DMD: variants seen among roughly 807,000 people sequenced by gnomAD.
The protein encoded by DMD is mutant dystrophin.
In DMD, 63 loss-of-function variants were observed where a neutral mutation model predicts 330.1. The ratio of observed to expected loss-of-function variants is 0.19; its 90% confidence interval spans 0.16 to 0.24. The LOEUF is 0.24. Ranked by LOEUF, DMD falls within the 10% of genes least tolerant of loss-of-function variation. DMD has a pLI of 1.00. For synonymous variants in DMD, 1,223 were observed against 959.8 expected (o/e 1.27, Z -5.07); for missense variants, 3,344 against 2,684.1 (o/e 1.25, Z -5.43).
Position 32,879,581 on chromosome X carries a change from T to C in DMD, c.94-29761A>G, listed in dbSNP as rs150591840. 4.6e-3 allele frequency among the ~76,000 whole-genome samples: 513 copies of C among 112,491 alleles called. 8 individuals are homozygous for C. The East Asian group carries it at 0.066, about 14-fold the overall frequency. On this transcript the variant is annotated intron_variant, in intron 2 of 78. Coordinates refer to ENST00000357033, the MANE Select transcript of DMD (RefSeq NM_004006.3). ...TTATTGAATGACAGTTAAAGAGCCTTTACTGTATTTTAATTTCCAATAAAC... is the reference window on the plus strand; with the variant it reads ...TTATTGAATGACAGTTAAAGAGCCTCTACTGTATTTTAATTTCCAATAAAC...
chrX:32,310,730 A>C (rs1374015003), intron 41 of DMD, among the ~76,000 whole-genome samples: 2 of 110,358 alleles, frequency 1.8e-5, no homozygotes, highest in African/African-American at 6.6e-5. Flanking sequence ...TCTATAGGAA[A>C]GTTCACTGAG....
chrX:32,922,037 C>T (rs745779139), intron 2 of DMD, among the ~76,000 whole-genome samples: 46 of 111,024 alleles, frequency 4.1e-4, no homozygotes, highest in Non-Finnish European at 8.1e-4. Flanking sequence ...CTCATGATTA[C>T]AGATATGAAG....
intron 55 of DMD, among the ~76,000 whole-genome samples, chrX:31,578,644 A>T (rs2076211620): frequency 8.9e-6 from 1 of 111,911 alleles, no homozygotes; most frequent in Non-Finnish European, 1.9e-5. Flanking sequence ...ATCAGAAAGC[A>T]AGATTTTTGA....
chrX:33,314,167 CATA>C (rs1342177104), intron 1 of DMD, among the ~76,000 whole-genome samples: 1 of 110,963 alleles, frequency 9.0e-6, no homozygotes, highest in East Asian at 2.8e-4. Context: ...CAAACATAGA[CATA>C]ATAATTATAT....
intron 48 of DMD, among the ~76,000 whole-genome samples, chrX:31,854,165 C>T (rs1372356485): frequency 8.9e-6 from 1 of 112,305 alleles, no homozygotes; most frequent in Non-Finnish European, 1.9e-5. Context: ...TCAAAGAAGA[C>T]TTACTGTTGT....
rs770658731 is a variant in DMD at position 32,521,719 on chromosome X, C to A, written c.2169-3588G>T. ...TGATCTTCTCCCTCAAACTAGTACT[C>A]TATCAGTATTCCCCAGATCAGTAAT... On this transcript the variant is annotated intron_variant, in intron 17 of 78. Coordinates refer to ENST00000357033, the MANE Select transcript of DMD (RefSeq NM_004006.3). Among the ~76,000 whole-genome samples, 3 of 112,434 alleles carry A rather than the reference C, an allele frequency of 2.7e-5. No homozygotes were observed. In the South Asian group the frequency reaches 1.1e-3, roughly 42 times the overall value.
intron 2 of DMD, among the ~76,000 whole-genome samples, chrX:32,891,848 T>G (rs2085233248): frequency 1.8e-5 from 2 of 111,695 alleles, no homozygotes; most frequent in African/African-American, 6.5e-5. Flanking sequence ...ATAGTCTGAT[T>G]TGAGGTTCCT....
intron 7 of DMD, among the ~76,000 whole-genome samples, chrX:32,719,304 G>C (rs981763600): frequency 1.8e-5 from 2 of 112,061 alleles, no homozygotes; most frequent in Non-Finnish European, 3.8e-5. Context: ...TCTTAATAGA[G>C]CTAAGCTTCT....
chrX:32,713,135 C>T (rs1321394823), intron 7 of DMD, among the ~76,000 whole-genome samples: 2 of 111,905 alleles, frequency 1.8e-5, no homozygotes, highest in African/African-American at 3.2e-5. Context: ...TCTACTAAAG[C>T]AAATCACCTG....
chrX:32,671,298 T>C (rs1374487765), intron 9 of DMD, among the ~76,000 whole-genome samples: 3 of 111,161 alleles, frequency 2.7e-5, no homozygotes, highest in Non-Finnish European at 5.7e-5. Flanking sequence ...GACATCAAAC[T>C]GTTTTCAACA....
rs747282441 is a variant in DMD, at chrX:32,308,642, T to C, written c.6117+1440A>G. 1.6e-3 allele frequency among the ~76,000 whole-genome samples: 179 copies of C among 110,882 alleles called. 1 individual carries two copies. Among genetic ancestry groups the C allele is most frequent in the African/African-American group, 5.6e-3 (173 of 30,654 alleles). On this transcript the variant is annotated intron_variant, in intron 42 of 78. Coordinates refer to ENST00000357033, the MANE Select transcript of DMD (RefSeq NM_004006.3). The stretch of plus-strand genomic sequence containing the variant: ...TTATAAACCGCAGTAATCAATACTA[T>C]TACGATTGACATCAGCTATAATAAT...
rs763048307 is a variant in DMD, at chrX:32,462,587, G to A, written c.3432+852C>T. On this transcript the variant is annotated intron_variant, in intron 25 of 78. Coordinates refer to ENST00000357033, the MANE Select transcript of DMD (RefSeq NM_004006.3). ...AAAAATGAGAAACTCAAATATGAGT[G>A]TACAGTCATTTTGTGTGTGTTTTTT... is the stretch of plus-strand genomic sequence containing the variant. Among the ~76,000 whole-genome samples, 137 of 108,185 alleles carry A rather than the reference G, an allele frequency of 1.3e-3. 1 individual carries two copies. The highest frequency in any genetic ancestry group is 4.7e-3 in the African/African-American group (133 of 28,026). The allele number at this position is 108,185 out of a possible 115,157, so 93.9% of individuals were successfully genotyped here. A position where few individuals can be genotyped will look rare whatever the true frequency, so the allele number is the denominator to read the frequency against.
At chrX:33,116,650 C>T (rs139067605) in intron 1 of DMD, among the ~76,000 whole-genome samples, 3,206 of 111,495 alleles carry the variant, frequency 0.029, 127 homozygotes, top group African/African-American at 0.099. Flanking sequence ...GTAGAAATAA[C>T]TATGTGGAAC....
At chrX:31,993,108 T>A (rs912349830) in intron 44 of DMD, among the ~76,000 whole-genome samples, 3 of 111,570 alleles carry the variant, frequency 2.7e-5, no homozygotes, top group African/African-American at 9.8e-5. Context: ...TCCAATAAAT[T>A]ACCCTATAAA....
At chrX:31,488,347 T>C (rs1362540164) in intron 57 of DMD, among the ~76,000 whole-genome samples, 1 of 112,278 alleles carries the variant, frequency 8.9e-6, no homozygotes, top group Non-Finnish European at 1.9e-5. Flanking sequence ...GAATGGATTA[T>C]TAGAAAACCC....
chrX:32,657,261 G>A (rs1160458830), intron 9 of DMD, among the ~76,000 whole-genome samples: 3 of 111,209 alleles, frequency 2.7e-5, no homozygotes. Context: ...TCAATGGAAG[G>A]TCAGAGAGAA....
intron 45 of DMD, among the ~76,000 whole-genome samples, chrX:31,954,437 T>C (rs1362929699): frequency 9.0e-6 from 1 of 111,504 alleles, no homozygotes; most frequent in Admixed American, 9.6e-5. Context: ...ATACTTTCCT[T>C]TTACACAATC....
intron 60 of DMD, among the ~76,000 whole-genome samples, chrX:31,396,379 C>T (rs1007726106): frequency 9.1e-6 from 1 of 110,413 alleles, no homozygotes; most frequent in Non-Finnish European, 1.9e-5. Context: ...CCTCGTGATC[C>T]GCCCGCCTCG....
intron 52 of DMD, 54 bp from the exon 53 acceptor site, chrX:31,679,640 C>A: frequency 9.8e-7 from 1 of 1,020,500 alleles, no homozygotes; most frequent in Non-Finnish European, 1.4e-6. Flanking sequence ...CTGGAGGAGA[C>A]ATTTTAAATG....
Sources: allele counts gnomAD v4.1 joint callset (sites outside exome capture counted in the v4.1 genomes callset), GRCh38; gene constraint gnomAD v4.1.1; transcripts MANE v1.5; gene names NCBI Gene and HGNC (gene_info 2026-07-23, HGNC 2026-07-21).